Variants in TBX19 observed in about 807,000 individuals in gnomAD.
TBX19 encodes T-box transcription factor 19.
TBX19 carries 33 observed loss-of-function variants against 40.9 expected under a neutral mutation model. That is an observed-to-expected ratio of 0.81 (90% confidence interval 0.61 to 1.08). The LOEUF (loss-of-function observed/expected upper bound fraction) is 1.08. Ranked by LOEUF, TBX19 falls within the 50% of genes least tolerant of loss-of-function variation. The pLI, the probability that TBX19 is intolerant of heterozygous loss-of-function variation, is 0.00. For synonymous variants in TBX19, 220 were observed against 225.0 expected, an observed-to-expected ratio of 0.98 and a Z score of 0.20; for missense variants, 494 against 574.0, an observed-to-expected ratio of 0.86 and a Z score of 1.42.
Position 168,300,501 on chromosome 1 carries a change from G to A in TBX19, c.727+18G>A, listed in dbSNP as rs775542172. 1 of 1,613,538 alleles carries A rather than the reference G, an allele frequency of 6.2e-7. No homozygotes were observed. The highest frequency in any genetic ancestry group is 8.5e-7 in the Non-Finnish European group (1 of 1,179,630). Reference sequence around the variant, plus strand: ...TTCTCACTGTGAGTTGGGTGTACATGAGGCGGGAGGTGCGTGGGGCTGTAC... The same window carrying A: ...TTCTCACTGTGAGTTGGGTGTACATAAGGCGGGAGGTGCGTGGGGCTGTAC... On this transcript the variant is annotated intron_variant, in intron 5 of 7. Transcript: ENST00000367821.
chr1:168,281,414 T>G, intron 1 of TBX19, 121 bp downstream of exon 1: 1 of 904,626 alleles, frequency 1.1e-6, no homozygotes, highest in Non-Finnish European at 1.8e-6. Flanking sequence ...TAAACATGCT[T>G]ACAGGAACGA....
intron 1 of TBX19, among the ~76,000 whole-genome samples, chr1:168,288,285 G>A (rs78059263): frequency 3.3e-5 from 5 of 150,986 alleles, no homozygotes; most frequent in Non-Finnish European, 7.4e-5. Context: ...TTTTTTTTTT[G>A]TATTATTTTT....
intron 3 of TBX19, 120 bp from the exon 4 acceptor site, chr1:168,297,604 G>T (rs937596824): frequency 2.5e-5 from 22 of 879,328 alleles, no homozygotes; most frequent in Admixed American, 5.9e-5. Context: ...AAGCCATCGT[G>T]CCTGGTGGGA....
intron 5 of TBX19, among the ~76,000 whole-genome samples, chr1:168,303,266 C>T (rs1649321807): frequency 1.3e-5 from 2 of 152,088 alleles, no homozygotes; most frequent in African/African-American, 4.8e-5. Flanking sequence ...TGTTCAATTC[C>T]CACCTATGAG....
chr1:168,304,460 T>G (rs111617713), intron 5 of TBX19, among the ~76,000 whole-genome samples: 1 of 152,188 alleles, frequency 6.6e-6, no homozygotes, highest in African/African-American at 2.4e-5. Context: ...TAAAGGCCTA[T>G]CTTAGGTTCT....
chr1:168,303,379 T>C (rs560602479), intron 5 of TBX19, among the ~76,000 whole-genome samples: 4 of 152,368 alleles, frequency 2.6e-5, no homozygotes, highest in African/African-American at 9.6e-5. Context: ...ACTCATCGTA[T>C]TTCATATTGC....
chr1:168,299,367 C>T (rs1388191181), intron 4 of TBX19, among the ~76,000 whole-genome samples: 1 of 152,104 alleles, frequency 6.6e-6, no homozygotes, highest in Non-Finnish European at 1.5e-5. Context: ...GTTTTTATAA[C>T]TGTCTAATCT....
intron 6 of TBX19, among the ~76,000 whole-genome samples, chr1:168,306,983 G>T (rs984985834): frequency 6.6e-6 from 1 of 152,164 alleles, no homozygotes; most frequent in Non-Finnish European, 1.5e-5. Context: ...GAGTGGGAGT[G>T]GGCAGGGGTA....
chr1:168,286,311 C>A (rs943414939), intron 1 of TBX19, among the ~76,000 whole-genome samples: 5 of 152,176 alleles, frequency 3.3e-5, no homozygotes, highest in African/African-American at 1.2e-4. Context: ...CTCAGTAATT[C>A]GCAGAGTTGT....
intron 5 of TBX19, among the ~76,000 whole-genome samples, chr1:168,303,310 C>T (rs545212597): frequency 5.9e-5 from 9 of 152,200 alleles, no homozygotes; most frequent in East Asian, 3.9e-4. Context: ...TTTGTCCTTG[C>T]GATAGTTTGC....
intron 4 of TBX19, 31 bp from the exon 5 acceptor site, chr1:168,300,391 C>T (rs369927646): frequency 6.2e-7 from 1 of 1,610,996 alleles, no homozygotes; most frequent in Non-Finnish European, 8.5e-7. Context: ...AAAAGTTGGA[C>T]AGCCATGGTG....
At chr1:168,284,640 G>A (rs557754935) in intron 1 of TBX19, among the ~76,000 whole-genome samples, 8 of 151,956 alleles carry the variant, frequency 5.3e-5, no homozygotes, top group African/African-American at 1.9e-4. Flanking sequence ...GCTGGGCATG[G>A]TGACACCTAC....
intron 6 of TBX19, among the ~76,000 whole-genome samples, chr1:168,306,375 C>A (rs1049101718): frequency 6.6e-6 from 1 of 152,108 alleles, no homozygotes; most frequent in Non-Finnish European, 1.5e-5. Flanking sequence ...CGCCTGTAAT[C>A]CCAGCACTTT....
At chr1:168,307,778 C>A (rs988253296) in intron 6 of TBX19, among the ~76,000 whole-genome samples, 1 of 152,066 alleles carries the variant, frequency 6.6e-6, no homozygotes, top group Non-Finnish European at 1.5e-5. Flanking sequence ...TACAACATGA[C>A]GTTTTGATAT....
chr1:168,292,863 CAAAAAAA>C (rs751123603), intron 2 of TBX19, among the ~76,000 whole-genome samples: 4 of 32,872 alleles, frequency 1.2e-4, no homozygotes, highest in Middle Eastern at 0.011. Context: ...GACTCCGTCT[CAAAAAAA>C]AAAAAAAAAA....
intron 6 of TBX19, 103 bp downstream of exon 6, chr1:168,305,299 C>G (rs1157117716): frequency 1.9e-6 from 2 of 1,047,714 alleles, no homozygotes; most frequent in Non-Finnish European, 2.9e-6. Flanking sequence ...AAGATGGAAC[C>G]CCGTCATCTA....
chr1:168,312,115 A>G (rs1349594006), intron 7 of TBX19, among the ~76,000 whole-genome samples: 1 of 152,176 alleles, frequency 6.6e-6, no homozygotes, highest in South Asian at 2.1e-4. Context: ...AACAACCACC[A>G]TTTACTGAGT....
intron 2 of TBX19, among the ~76,000 whole-genome samples, chr1:168,291,992 T>C (rs1648954880): frequency 6.6e-6 from 1 of 152,162 alleles, no homozygotes; most frequent in African/African-American, 2.4e-5. Flanking sequence ...GGCTTTTTCC[T>C]CTTGTTTTCT....
intron 1 of TBX19, among the ~76,000 whole-genome samples, chr1:168,287,237 C>T (rs887393490): frequency 6.6e-6 from 1 of 152,194 alleles, no homozygotes; most frequent in Non-Finnish European, 1.5e-5. Flanking sequence ...CTTTTAGTTT[C>T]TGAATAGAGT....
Sources: gnomAD v4.1 joint callset for allele counts (sites outside exome capture counted in the v4.1 genomes callset) on GRCh38, gnomAD v4.1.1 for gene constraint, MANE v1.5 for transcripts, NCBI Gene and HGNC (gene_info 2026-07-23, HGNC 2026-07-21) for gene names.